ABTB2: variants seen among roughly 807,000 people sequenced by gnomAD.
ABTB2 encodes the protein ankyrin repeat and BTB domain containing 2.
In ABTB2, 56 loss-of-function variants were observed where a neutral mutation model predicts 104.1. That is an observed-to-expected ratio of 0.54 (90% confidence interval 0.43 to 0.67). ABTB2 has a LOEUF of 0.67. Among genes scored for constraint, ABTB2 ranks in the 30% least tolerant of loss-of-function variants. The pLI is 0.00. For synonymous variants in ABTB2, 606 were observed against 608.2 expected, an observed-to-expected ratio of 1.00 and a Z score of 0.05; for missense variants, 1,279 against 1,407.7, an observed-to-expected ratio of 0.91 and a Z score of 1.46.
At chr11:34,209,295 A>G (rs1312235383) in intron 1 of ABTB2, among the ~76,000 whole-genome samples, 3 of 151,758 alleles carry the variant, frequency 2.0e-5, no homozygotes, top group Non-Finnish European at 2.9e-5. Flanking sequence ...AGTGATGAGA[A>G]CGTGCCACTG....
chr11:34,357,637 C>T lies in ABTB2; in HGVS notation c.-54G>A. On this transcript the variant is annotated 5_prime_UTR_variant, in exon 1 of 17. Coordinates refer to ENST00000435224, the MANE Select transcript of ABTB2 (RefSeq NM_145804.3). ...AGCGAGGGGCACTCACAACTCCATG[C>T]CCTCTTTCCCAAGTGGGCAGAAACA... 1 of 1,441,424 alleles carries T rather than the reference C, an allele frequency of 6.9e-7. No individual in the cohort carries two copies. Among genetic ancestry groups the T allele is most frequent in the East Asian group, 2.6e-5 (1 of 38,444 alleles). The allele number at this position is 1,441,424 out of a possible 1,614,324, so 89.3% of individuals were successfully genotyped here. A position where few individuals can be genotyped will look rare whatever the true frequency, so the allele number is the denominator to read the frequency against.
intron 1 of ABTB2, among the ~76,000 whole-genome samples, chr11:34,212,428 G>C (rs762905834): frequency 6.6e-6 from 1 of 152,190 alleles, no homozygotes; most frequent in Non-Finnish European, 1.5e-5. Flanking sequence ...GGTCCTTTCT[G>C]CCAGGGATTG....
intron 1 of ABTB2, among the ~76,000 whole-genome samples, chr11:34,340,778 C>A (rs1471082820): frequency 6.6e-6 from 1 of 152,180 alleles, no homozygotes; most frequent in Non-Finnish European, 1.5e-5. Flanking sequence ...AATAGGCCAG[C>A]TTTAGGCAAA....
At chr11:34,322,584 A>C (rs576414839) in intron 1 of ABTB2, among the ~76,000 whole-genome samples, 1 of 152,120 alleles carries the variant, frequency 6.6e-6, no homozygotes, top group African/African-American at 2.4e-5. Context: ...CAAATAAATA[A>C]ATAAATAAAT....
At chr11:34,193,053 C>G (rs1853201507) in intron 3 of ABTB2, among the ~76,000 whole-genome samples, 1 of 152,244 alleles carries the variant, frequency 6.6e-6, no homozygotes, top group African/African-American at 2.4e-5. Context: ...TCTGTTCCAG[C>G]TAGCCCATCC....
At chr11:34,255,830 A>AT (rs140343114) in intron 1 of ABTB2, among the ~76,000 whole-genome samples, 4,063 of 152,120 alleles carry the variant, frequency 0.027, 164 homozygotes, top group African/African-American at 0.091. Flanking sequence ...AATTAAATAC[A>AT]TTTTTTTTCC....
rs78074466 is a variant in ABTB2 at position 34,308,138 on chromosome 11, T to C, written c.883+48563A>G. 6.6e-4 allele frequency among the ~76,000 whole-genome samples: 100 copies of C among 152,278 alleles called. 3 individuals carry two copies. In the East Asian group the frequency reaches 0.019, roughly 28 times the overall value. On this transcript the variant is annotated intron_variant, in intron 1 of 16. Coordinates refer to ENST00000435224, the MANE Select transcript of ABTB2 (RefSeq NM_145804.3). Reference sequence around the variant, plus strand: ...GATAACAACAGTAGCTCCGACCTCCTAGGTTACTGTGAGGATTACATGTGT... The same window carrying C: ...GATAACAACAGTAGCTCCGACCTCCCAGGTTACTGTGAGGATTACATGTGT...
chr11:34,275,787 T>C (rs1854375539), intron 1 of ABTB2, among the ~76,000 whole-genome samples: 1 of 152,178 alleles, frequency 6.6e-6, no homozygotes, highest in Admixed American at 6.5e-5. Context: ...TGCCAATCTT[T>C]CATGTCAAGA....
intron 1 of ABTB2, among the ~76,000 whole-genome samples, chr11:34,206,075 A>C (rs1204303622): frequency 6.6e-6 from 1 of 152,142 alleles, no homozygotes; most frequent in African/African-American, 2.4e-5. Context: ...ACAACCCTAT[A>C]AGGGCCAGGC....
intron 1 of ABTB2, among the ~76,000 whole-genome samples, chr11:34,277,586 C>A (rs1284173237): frequency 7.1e-6 from 1 of 141,606 alleles, no homozygotes; most frequent in Non-Finnish European, 1.5e-5. Context: ...GAGTTCCAGA[C>A]CAGCCTGGCC....
At chr11:34,229,345 G>T (rs1853736013) in intron 1 of ABTB2, among the ~76,000 whole-genome samples, 1 of 151,586 alleles carries the variant, frequency 6.6e-6, no homozygotes, top group Admixed American at 6.6e-5. Flanking sequence ...GCCAGGTGTG[G>T]TGGCGGGCGC....
At chr11:34,163,016 C>T (rs1256215083) in intron 9 of ABTB2, among the ~76,000 whole-genome samples, 5 of 152,216 alleles carry the variant, frequency 3.3e-5, no homozygotes, top group African/African-American at 1.2e-4. Flanking sequence ...TGCAGGGGAA[C>T]CCACCCTTCT....
chr11:34,232,702 T>C (rs7106936), intron 1 of ABTB2, among the ~76,000 whole-genome samples: 41,648 of 151,854 alleles, frequency 0.27, 6,118 homozygotes, highest in Non-Finnish European at 0.34. Context: ...TCAGGGGGCA[T>C]GGTGGCTCCC....
chr11:34,331,741 G>T (rs61880780), intron 1 of ABTB2, among the ~76,000 whole-genome samples: 2,823 of 152,314 alleles, frequency 0.019, 51 homozygotes, highest in Non-Finnish European at 0.029. Flanking sequence ...CTTTTGCAGA[G>T]CCAGAAGATC....
intron 11 of ABTB2, among the ~76,000 whole-genome samples, 181 bp downstream of exon 11, chr11:34,160,722 C>G (rs905364888): frequency 5.2e-4 from 3 of 5,752 alleles, no homozygotes; most frequent in East Asian, 3.0e-3. Context: ...GTGCTGGGGG[C>G]GGGCGTGTGT....
chr11:34,168,056 G>C, intron 5 of ABTB2, 64 bp from the exon 6 acceptor site: 1 of 1,516,974 alleles, frequency 6.6e-7, no homozygotes, highest in Non-Finnish European at 9.0e-7. Context: ...TGTGCCCACA[G>C]GCCTCTGCCC....
rs755541628 is a variant in ABTB2, at chr11:34,197,477, G to A, written c.1092C>T (p.Ala364=). 3 of 1,583,412 alleles carry A rather than the reference G, an allele frequency of 1.9e-6. No homozygotes were observed. Among genetic ancestry groups the A allele is most frequent in the Non-Finnish European group, 1.7e-6 (2 of 1,166,356 alleles). The change falls in exon 3 of 17, where the codon GCC becomes GCT. Residue 364 remains alanine (A), a synonymous_variant. Coordinates refer to ENST00000435224, the MANE Select transcript of ABTB2 (RefSeq NM_145804.3). ...GCTGGCGGGCCTGGCGGGCAGGGCT[G>A]GCACCCGGGCACAGGGGGTGACGCC... ...MQGRHPLCPG[A]SPARQARQPP...
intron 4 of ABTB2, among the ~76,000 whole-genome samples, chr11:34,171,991 T>G (rs1852880981): frequency 6.6e-6 from 1 of 151,978 alleles, no homozygotes. Flanking sequence ...TGGGCCAAAG[T>G]GTAGAAAATT....
At chr11:34,329,481 T>C (rs1855105492) in intron 1 of ABTB2, among the ~76,000 whole-genome samples, 1 of 152,094 alleles carries the variant, frequency 6.6e-6, no homozygotes, top group African/African-American at 2.4e-5. Context: ...CTCCCAACCT[T>C]CCCTCTCAGC....
Sources: allele counts gnomAD v4.1 joint callset (sites outside exome capture counted in the v4.1 genomes callset), GRCh38; gene constraint gnomAD v4.1.1; transcripts MANE v1.5; gene names NCBI Gene and HGNC (gene_info 2026-07-23, HGNC 2026-07-21).